Variants in TNRC6C observed in about 807,000 individuals in gnomAD.
TNRC6C encodes trinucleotide repeat containing adaptor 6C, also known as trinucleotide repeat-containing gene 6C protein.
A neutral mutation model predicts 153.7 loss-of-function variants in TNRC6C; 20 were observed. The ratio of observed to expected loss-of-function variants is 0.13; its 90% confidence interval spans 0.09 to 0.19. The LOEUF (loss-of-function observed/expected upper bound fraction) is 0.19, where lower values mean the gene tolerates loss of function less well. TNRC6C is among the 10% of genes least tolerant of loss of function. The pLI, the probability that TNRC6C is intolerant of heterozygous loss-of-function variation, is 1.00. For synonymous variants in TNRC6C, 811 were observed against 841.4 expected (o/e 0.96, Z 0.63); for missense variants, 1,987 against 2,172.0 (o/e 0.91, Z 1.69).
At chr17:78,042,728 A>G (rs115657211) in intron 2 of TNRC6C, among the ~76,000 whole-genome samples, 1,910 of 151,536 alleles carry the variant, frequency 0.013, 28 homozygotes, top group African/African-American at 0.044. Flanking sequence ...GGAGATAACA[A>G]TGATGGTAGT....
intron 15 of TNRC6C, 66 bp downstream of exon 17, chr17:78,093,190 T>C: frequency 1.3e-6 from 2 of 1,517,298 alleles, no homozygotes; most frequent in Non-Finnish European, 1.8e-6. Context: ...CTGCAGAGAG[T>C]GATTAGGCTG....
At chr17:78,050,910 A>G (rs774275231) in exon 3 of TNRC6C, 2 of 1,613,764 alleles carry the variant, frequency 1.2e-6, no homozygotes, top group Non-Finnish European at 1.7e-6. Context: ...AAAAAAATGG[A>G]TCTGGATGGG....
At chr17:77,974,851 G>A (rs1029238443) in intron 1 of TNRC6C, among the ~76,000 whole-genome samples, 2 of 152,236 alleles carry the variant, frequency 1.3e-5, no homozygotes, top group Non-Finnish European at 2.9e-5. Context: ...TAAAGAGGCA[G>A]TGTGACTTGC....
chr17:78,071,384 C>T (rs1352852120), intron 6 of TNRC6C, among the ~76,000 whole-genome samples: 1 of 151,940 alleles, frequency 6.6e-6, no homozygotes, highest in African/African-American at 2.4e-5. Context: ...CAATTTCTAT[C>T]AAAAAGGGTG....
chr17:78,064,631 G>T (rs767350910), intron 3 of TNRC6C, 91 bp from the exon 6 acceptor site: 1 of 1,244,968 alleles, frequency 8.0e-7, no homozygotes, highest in Non-Finnish European at 1.1e-6. Context: ...AGATTATCTT[G>T]AAATTATTTT....
At chr17:78,010,776 T>A (rs1032404973) in intron 1 of TNRC6C, among the ~76,000 whole-genome samples, 1 of 152,170 alleles carries the variant, frequency 6.6e-6, no homozygotes, top group Non-Finnish European at 1.5e-5. Context: ...GGGGGAAATA[T>A]AATAAACATT....
intron 1 of TNRC6C, among the ~76,000 whole-genome samples, chr17:77,974,772 A>G (rs1405909232): frequency 6.6e-6 from 1 of 152,248 alleles, no homozygotes; most frequent in African/African-American, 2.4e-5. Context: ...TCCAAGAACA[A>G]ATCTTAACTC....
chr17:78,040,926 C>T (rs1017210886), intron 2 of TNRC6C: 2 of 152,102 alleles, frequency 1.3e-5, no homozygotes, highest in Non-Finnish European at 2.9e-5. Context: ...CGCGGGCGCC[C>T]GCGGGTGGCC....
At chr17:78,004,167 T>C, upstream of TNRC6C, 1 of 1,231,696 alleles carries the variant, frequency 8.1e-7, no homozygotes, top group East Asian at 3.2e-5. Context: ...TTGTATTTAA[T>C]AGGGAGAAAG....
In TNRC6C at chr17:78,104,769, A is replaced by G. The variant is rs1395550626; in HGVS notation, c.4997A>G (p.Asp1666Gly). The G allele has an allele frequency of 6.1e-6, 9 of 1,475,706 alleles. No individual in the cohort carries two copies. Among genetic ancestry groups the G allele is most frequent in the Non-Finnish European group, 8.1e-6 (9 of 1,113,206 alleles). The allele number at this position is 1,475,706 out of a possible 1,614,324, so 91.4% of individuals were successfully genotyped here. A position where few individuals can be genotyped will look rare whatever the true frequency, so the allele number is the denominator to read the frequency against. The change falls in exon 20 of 20, where the codon GAC becomes GGC. Residue 1666 changes from aspartate to glycine, a missense_variant. Asp to Gly is a moderately conservative substitution (Grantham distance 94). Transcript: ENST00000301624. The surrounding 1 kb of genome is among the most constrained non-coding windows in gnomAD (Gnocchi z 6.2). ...CTGTGGGGCCCGCCCAGCGCCGACGACAGCAGGGTGATAGGCAGCCCCACG... is the reference window on the plus strand; with the variant it reads ...CTGTGGGGCCCGCCCAGCGCCGACGGCAGCAGGGTGATAGGCAGCCCCACG...
chr17:78,013,764 A>G (rs920598124), intron 1 of TNRC6C, among the ~76,000 whole-genome samples: 14 of 152,196 alleles, frequency 9.2e-5, no homozygotes, highest in Non-Finnish European at 1.5e-4. Flanking sequence ...ACTCCTACAT[A>G]GAGAGGGAAC....
In TNRC6C at chr17:78,102,460, C is replaced by T; in HGVS notation, c.4502-14C>T. On this transcript the variant is annotated splice_polypyrimidine_tract_variant and intron_variant, in intron 17 of 19. Transcript: ENST00000301624. ...ACGGGGCCTTGTCAACCAGGTTCTC[C>T]CCTCTTGTTGCAGGTTCTGCCTGGA... 3.1e-6 allele frequency: 5 copies of T among 1,602,332 alleles called. No homozygotes were observed. The highest frequency in any genetic ancestry group is 2.3e-5 in the South Asian group (2 of 88,646).
intron 13 of TNRC6C, among the ~76,000 whole-genome samples, chr17:78,088,748 G>A (rs1449160837): frequency 2.0e-5 from 3 of 151,432 alleles, no homozygotes; most frequent in African/African-American, 7.3e-5. Context: ...TTACAGGCAT[G>A]AGCCATCACA....
intron 3 of TNRC6C, among the ~76,000 whole-genome samples, chr17:78,054,676 A>G (rs2072612046): frequency 6.6e-6 from 1 of 150,926 alleles, no homozygotes; most frequent in African/African-American, 2.5e-5. Context: ...ACGCTACTGG[A>G]GACTACTGCA....
Position 78,104,471 on chromosome 17 carries a change from T to C in TNRC6C, c.4713-14T>C. ...GGGGTGGCCCTGTTCACGTGCCCCA[T>C]CTTGCTGTTGCAGGTGCGTCCTGGG... On this transcript the variant is annotated splice_polypyrimidine_tract_variant and intron_variant, in intron 19 of 19. Coordinates refer to ENST00000301624, the Ensembl canonical transcript of TNRC6C. The surrounding 1 kb of genome is among the most constrained non-coding windows in gnomAD (Gnocchi z 6.2). 1 of 1,480,662 alleles carries C rather than the reference T, an allele frequency of 6.8e-7. No individual in the cohort carries two copies. Among genetic ancestry groups the C allele is most frequent in the Non-Finnish European group, 9.0e-7 (1 of 1,112,312 alleles). 91.7% of individuals were successfully genotyped at this position (1,480,662 alleles called of 1,614,324 possible). A position where few individuals can be genotyped will look rare whatever the true frequency, so the allele number is the denominator to read the frequency against.
exon 3 of TNRC6C, chr17:78,050,704 A>ACTG: frequency 1.9e-6 from 3 of 1,576,596 alleles, no homozygotes; most frequent in South Asian, 1.2e-5. Flanking sequence ...TGCTGTTAGT[A>ACTG]CTGCTGCTGC....
intron 1 of TNRC6C, among the ~76,000 whole-genome samples, chr17:78,010,889 G>A (rs1366365185): frequency 1.3e-5 from 2 of 152,174 alleles, no homozygotes; most frequent in Admixed American, 1.3e-4. Context: ...CTCTGAGTAG[G>A]TACATGAACG....
intron 1 of TNRC6C, among the ~76,000 whole-genome samples, chr17:77,998,767 G>C (rs2071367591): frequency 6.6e-6 from 1 of 152,224 alleles, no homozygotes; most frequent in African/African-American, 2.4e-5. Context: ...TTTGGCCATT[G>C]ATGTCTGTTG....
Position 78,054,996 on chromosome 17 carries a change from G to A in TNRC6C, c.2395+3539G>A, listed in dbSNP as rs557622404. 1.1e-4 allele frequency among the ~76,000 whole-genome samples: 16 copies of A among 149,496 alleles called. No individual in the cohort carries two copies. The South Asian group carries it at 2.6e-3, about 24-fold the overall frequency. On this transcript the variant is annotated intron_variant, in intron 3 of 19. Transcript: ENST00000301624. The stretch of plus-strand genomic sequence containing the variant: ...ACTGTACGCTACCATACACCACTGC[G>A]GACTACTGTACACCACTGCAAAGTA...
Sources: allele counts gnomAD v4.1 joint callset (sites outside exome capture counted in the v4.1 genomes callset), GRCh38; gene constraint gnomAD v4.1.1; non-coding constraint Gnocchi (gnomAD v3.1); transcripts MANE v1.5; gene names NCBI Gene and HGNC (gene_info 2026-07-23, HGNC 2026-07-21).